Variants in MPP3 observed in about 807,000 individuals in gnomAD.
The protein encoded by MPP3 is MAGUK p55 subfamily member 3.
Under a neutral mutation model 80.7 loss-of-function variants are expected in MPP3, and 48 were observed. The ratio of observed to expected loss-of-function variants is 0.59; its 90% CI spans 0.47 to 0.76. The LOEUF (loss-of-function observed/expected upper bound fraction) is 0.76, where lower values mean the gene tolerates loss of function less well. Among genes scored for constraint, MPP3 ranks in the 30% least tolerant of loss-of-function variants. The pLI is 0.00. For synonymous variants in MPP3, 311 were observed against 297.6 expected, an observed-to-expected ratio of 1.04 and a Z score of -0.46; for missense variants, 620 against 763.0, an observed-to-expected ratio of 0.81 and a Z score of 2.21.
rs956284107 is a variant in MPP3 at position 43,829,599 on chromosome 17, G to A, written c.441+55C>T. 15 of 1,594,808 alleles carry A rather than the reference G, an allele frequency of 9.4e-6. No homozygotes were observed. The African/African-American group carries it at 1.5e-4, about 16-fold the overall frequency. ...GAGGATCTTGTCCAGTGTTCTGGGT[G>A]GGGGTGAGAGGCAGGGGAAGAGTGG... On this transcript the variant is annotated intron_variant, in intron 7 of 19. Transcript: ENST00000398389.
In MPP3 at chr17:43,820,876, CT is replaced by C; in HGVS notation, c.866del (p.Lys289ArgfsTer8). 6.2e-7 allele frequency: 1 copy of C among 1,614,196 alleles called. No homozygotes were observed. The highest frequency in any genetic ancestry group is 1.1e-5 in the South Asian group (1 of 91,084). ...CCCAGACCCACCTCTCCTGGAACCC[CT>C]TGGAGGGGATGAGGCCGGCTCGAAG... ...TNLRAGLIPSKGFQERRLSYR... is the reference protein window; with the variant it reads ...TNLRAGLIPSXGFQERRLSYR... On this transcript the variant is annotated frameshift_variant, in exon 11 of 20. Transcript: ENST00000398389. LOFTEE classifies it high-confidence loss of function.
Position 43,816,040 on chromosome 17 carries a change from A to C in MPP3, c.1007T>G (p.Val336Gly), listed in dbSNP as rs1455002570. ...DCEGYLKGHYVAGLRRSFRLG... is the reference protein window; with the variant it reads ...DCEGYLKGHYGAGLRRSFRLG... ...GGGTGTCAGGGGGAGCTACTTACCC[A>C]CATAGTGCCCTTTGAGGTAGCCCTC... The change falls in exon 14 of 20, where the codon GTG becomes GGG. Residue 336 changes from valine to glycine, a missense_variant and splice_region_variant. Physicochemically the swap from Val to Gly is moderately radical, Grantham distance 109. Transcript: ENST00000398389. The C allele has an allele frequency of 6.7e-7, 1 of 1,502,850 alleles. No individual in the cohort carries two copies. Among genetic ancestry groups the C allele is most frequent in the Non-Finnish European group, 8.8e-7 (1 of 1,131,508 alleles). 93.1% of individuals were successfully genotyped at this position (1,502,850 alleles called of 1,614,324 possible).
In MPP3 at chr17:43,801,161, G is replaced by T. The variant is rs145060088; in HGVS notation, c.*540C>A. 2 of 153,652 alleles carry T rather than the reference G, an allele frequency of 1.3e-5. No individual in the cohort carries two copies. Among genetic ancestry groups the T allele is most frequent in the African/African-American group, 4.8e-5 (2 of 41,502 alleles). The allele number at this position is 153,652 out of a possible 1,614,324, so 9.5% of individuals were successfully genotyped here. A position where few individuals can be genotyped will look rare whatever the true frequency, so the allele number is the denominator to read the frequency against. On this transcript the variant is annotated 3_prime_UTR_variant, in exon 20 of 20. Transcript: ENST00000398389. ...CCTCAGCCTTCCAGAGAAAATTTACGTATATTCACTATTTTAAAATAGGCA... is the reference window on the plus strand; with the variant it reads ...CCTCAGCCTTCCAGAGAAAATTTACTTATATTCACTATTTTAAAATAGGCA...
intron 12 of MPP3, among the ~76,000 whole-genome samples, 191 bp from the exon 13 acceptor site, chr17:43,816,888 G>T (rs975712439): frequency 2.0e-5 from 3 of 152,204 alleles, no homozygotes; most frequent in Non-Finnish European, 4.4e-5. Flanking sequence ...TAGTCTTCTT[G>T]TATGTGTCTC....
At chr17:43,819,304 C>T (rs1203464926) in intron 11 of MPP3, among the ~76,000 whole-genome samples, 1 of 152,252 alleles carries the variant, frequency 6.6e-6, no homozygotes, top group East Asian at 1.9e-4. Context: ...TGACCCAAGA[C>T]TGACCTTCCT....
Position 43,814,356 on chromosome 17 carries a change from GAC to G in MPP3, c.1013_1014del (p.Gly338AlafsTer10). 1 of 1,600,704 alleles carries G rather than the reference GAC, an allele frequency of 6.2e-7. No individual in the cohort carries two copies. The highest frequency in any genetic ancestry group is 1.1e-5 in the South Asian group (1 of 90,226). ...EGYLKGHYVA[G>X]LRRSFRLGCR... The stretch of plus-strand genomic sequence containing the variant: ...CAGCCCAGCCGGAAGCTCCTCCGAA[GAC>G]CAGCTTGGGAGGAGGGGCAGAGGGA... On this transcript the variant is annotated frameshift_variant, in exon 15 of 20. Coordinates refer to ENST00000398389, the MANE Select transcript of MPP3 (RefSeq NM_001932.6). LOFTEE classifies it high-confidence loss of function.
chr17:43,814,083 C>T lies in MPP3; in HGVS notation c.1183G>A (p.Gly395Arg). ...TGCTTCAGCTCGTGCAGTCGGGCTC[C>T]CAGAGACCCTGGGAAACAAGAAGAA... ...PRLVVLIGSLGARLHELKQKV... is the reference protein window; with the variant it reads ...PRLVVLIGSLRARLHELKQKV... Residue 395 changes from glycine to arginine, a missense_variant, in exon 16 of 20, where the codon GGA (glycine) becomes AGA (arginine). By Grantham distance (125) the Gly-to-Arg change is moderately radical. Coordinates refer to ENST00000398389, the MANE Select transcript of MPP3 (RefSeq NM_001932.6). 1 of 1,612,440 alleles carries T rather than the reference C, an allele frequency of 6.2e-7. No individual in the cohort carries two copies. The highest frequency in any genetic ancestry group is 8.5e-7 in the Non-Finnish European group (1 of 1,178,864).
intron 12 of MPP3, 81 bp downstream of exon 12, chr17:43,817,965 G>T: frequency 1.5e-6 from 2 of 1,309,112 alleles, no homozygotes; most frequent in Non-Finnish European, 2.1e-6. Context: ...CCAGCCCACT[G>T]CCTACTTCTT....
intron 9 of MPP3, among the ~76,000 whole-genome samples, chr17:43,824,380 T>G (rs951385952): frequency 7.9e-5 from 12 of 152,166 alleles, no homozygotes; most frequent in African/African-American, 2.9e-4. Flanking sequence ...GCTCCCTTCC[T>G]TGCTTTTCTC....
intron 19 of MPP3, among the ~76,000 whole-genome samples, chr17:43,804,405 T>C (rs1826156368): frequency 6.6e-6 from 1 of 152,286 alleles, no homozygotes; most frequent in African/African-American, 2.4e-5. Context: ...TTCTTGCCAA[T>C]TGATTCTAGA....
chr17:43,827,855 A>G (rs1229779007), intron 7 of MPP3, 23 bp from the exon 8 acceptor site: 2 of 1,611,140 alleles, frequency 1.2e-6, no homozygotes, highest in Non-Finnish European at 1.7e-6. Context: ...CAGAAGAGAC[A>G]GGTTCTTAAG....
At chr17:43,818,406 C>T (rs1320753657) in intron 11 of MPP3, among the ~76,000 whole-genome samples, 1 of 152,172 alleles carries the variant, frequency 6.6e-6, no homozygotes, top group Non-Finnish European at 1.5e-5. Flanking sequence ...CATTACTCTC[C>T]TATGGCCAAT....
rs1598373307 is a variant in MPP3, at chr17:43,831,114, G to A, written c.222+130C>T. On this transcript the variant is annotated intron_variant, in intron 5 of 19. Transcript: ENST00000398389. Reference sequence around the variant, plus strand: ...GAGGAAGAGAAGGAGGAGGACAAGGGAAGAAAACACCTCTTCACCTTTGGG... The same window carrying A: ...GAGGAAGAGAAGGAGGAGGACAAGGAAAGAAAACACCTCTTCACCTTTGGG... 6.1e-6 allele frequency: 5 copies of A among 821,476 alleles called. No homozygotes were observed. The East Asian group carries it at 1.2e-4, about 20-fold the overall frequency. The allele number at this position is 821,476 out of a possible 1,614,324, so 50.9% of individuals were successfully genotyped here.
chr17:43,831,643 C>CT lies in MPP3; in HGVS notation c.59dup (p.Leu21AlafsTer4). On this transcript the variant is annotated frameshift_variant, in exon 4 of 20. Transcript: ENST00000398389. LOFTEE classifies it high-confidence loss of function. Reference sequence around the variant, plus strand: ...CCTTGTGGTTGGAGTCAGGTCTGAGCTGGGAGGTCAGCAGGGCCAGGGTTT... The same window carrying CT: ...CCTTGTGGTTGGAGTCAGGTCTGAGCTTGGGAGGTCAGCAGGGCCAGGGTTT... 1 of 1,613,336 alleles carries CT rather than the reference C, an allele frequency of 6.2e-7. No individual in the cohort carries two copies. The highest frequency in any genetic ancestry group is 8.5e-7 in the Non-Finnish European group (1 of 1,179,454).
intron 8 of MPP3, 84 bp downstream of exon 8, chr17:43,827,666 TA>T: frequency 7.6e-7 from 1 of 1,315,132 alleles, no homozygotes; most frequent in Non-Finnish European, 1.1e-6. Flanking sequence ...AGGAGGGAGG[TA>T]AGGGGACCTA....
Position 43,829,768 on chromosome 17 carries a change from C to A in MPP3, c.327G>T (p.Thr109=). ...HLRAVLMVHD[T]VAQKNFDPVL... ...CGGGGTCAAAATTCTTCTGGGCAACCGTGTCATGTACCATGAGCACAGCCT... is the reference window on the plus strand; with the variant it reads ...CGGGGTCAAAATTCTTCTGGGCAACAGTGTCATGTACCATGAGCACAGCCT... The change falls in exon 7 of 20, where the codon ACG becomes ACT. Residue 109 remains threonine (T), a synonymous_variant. Transcript: ENST00000398389. 1 of 1,613,878 alleles carries A rather than the reference C, an allele frequency of 6.2e-7. No individual in the cohort carries two copies. Among genetic ancestry groups the A allele is most frequent in the Non-Finnish European group, 8.5e-7 (1 of 1,179,994 alleles).
intron 14 of MPP3, chr17:43,815,634 T>C: frequency 3.2e-6 from 1 of 316,830 alleles, no homozygotes; most frequent in Non-Finnish European, 6.0e-6. Flanking sequence ...CAAAAAAAAC[T>C]TTTTGCCTAT....
At chr17:43,814,545 C>T (rs548751181) in intron 14 of MPP3, 184 bp from the exon 15 acceptor site, 7 of 548,614 alleles carry the variant, frequency 1.3e-5, no homozygotes, top group African/African-American at 9.5e-5. Flanking sequence ...AAAGGGTGAC[C>T]CCTGCATTCA....
intron 3 of MPP3, 95 bp downstream of exon 3, chr17:43,831,785 ATT>A (rs994595371): frequency 6.9e-7 from 1 of 1,446,280 alleles, no homozygotes; most frequent in Admixed American, 2.1e-5. Context: ...CCGTGAGGAC[ATT>A]CTCTCCCCAG....
Sources: allele counts gnomAD v4.1 joint callset (sites outside exome capture counted in the v4.1 genomes callset), GRCh38; gene constraint gnomAD v4.1.1; transcripts MANE v1.5; gene names NCBI Gene and HGNC (gene_info 2026-07-23, HGNC 2026-07-21).